MGAT4C: variants seen among roughly 807,000 people sequenced by gnomAD.
MGAT4C encodes the protein MGAT4 family member C.
A neutral mutation model predicts 40.1 loss-of-function variants in MGAT4C; 19 were observed. The ratio of observed to expected loss-of-function variants is 0.47; its 90% CI spans 0.33 to 0.70. The LOEUF is 0.70. Ranked by LOEUF, MGAT4C falls within the 30% of genes least tolerant of loss-of-function variation. The probability of loss-of-function intolerance (pLI) is 0.02; values close to 1 mark genes in which losing one functional copy is unlikely to be tolerated. For missense variants in MGAT4C, 491 were observed against 563.2 expected (o/e 0.87, Z 1.30); for synonymous variants, 181 against 187.1 (o/e 0.97, Z 0.27).
chr12:86,466,990 T>C (rs1330998666), intron 2 of MGAT4C, among the ~76,000 whole-genome samples: 2 of 152,220 alleles, frequency 1.3e-5, no homozygotes, highest in African/African-American at 4.8e-5. Flanking sequence ...GATTATTTTG[T>C]TTTATTCTCA....
chr12:86,599,673 TG>T (rs1961691586), intron 2 of MGAT4C: 1 of 151,842 alleles, frequency 6.6e-6, no homozygotes, highest in South Asian at 2.1e-4. Flanking sequence ...TGAAAAAAAA[TG>T]GAGCAAAAGG....
chr12:86,662,531 T>G (rs546973863), intron 2 of MGAT4C, among the ~76,000 whole-genome samples: 34 of 152,326 alleles, frequency 2.2e-4, no homozygotes, highest in South Asian at 1.9e-3. Flanking sequence ...ACAAATAATT[T>G]TGTAATTACA....
rs4992298 is a variant in MGAT4C, at chr12:86,212,922, G to C, written c.-57+43317C>G. 3.6e-5 allele frequency among the ~76,000 whole-genome samples: 3 copies of C among 84,276 alleles called. 1 individual carries two copies. Among genetic ancestry groups the C allele is most frequent in the Admixed American group, 3.0e-4 (2 of 6,618 alleles). The allele number at this position is 84,276 out of a possible 152,430, so 55.3% of individuals were successfully genotyped here. On this transcript the variant is annotated intron_variant, in intron 1 of 4. Coordinates refer to ENST00000611864, the MANE Select transcript of MGAT4C (RefSeq NM_001351288.2). The stretch of plus-strand genomic sequence containing the variant: ...AAAAAAAAAAAAAAAAAAAAAAAAA[G>C]AACACTCATTAACTGTTAGTGAGAT...
At chr12:86,353,632 T>C in intron 3 of MGAT4C, among the ~76,000 whole-genome samples, 1 of 152,172 alleles carries the variant, frequency 6.6e-6, no homozygotes, top group East Asian at 1.9e-4. Flanking sequence ...GTCATGAAGC[T>C]GCATTTCCAT....
At chr12:86,450,052 T>C (rs888520590) in intron 2 of MGAT4C, among the ~76,000 whole-genome samples, 2 of 152,146 alleles carry the variant, frequency 1.3e-5, no homozygotes, top group African/African-American at 4.8e-5. Flanking sequence ...AAGTATTGTG[T>C]TGCTTTGAAC....
chr12:86,127,182 T>C (rs913007331), intron 1 of MGAT4C, among the ~76,000 whole-genome samples: 4 of 152,166 alleles, frequency 2.6e-5, no homozygotes, highest in Admixed American at 1.3e-4. Flanking sequence ...TATAGCCCAC[T>C]ACATACCTAG....
chr12:86,373,531 A>C (rs1455759178), intron 3 of MGAT4C, among the ~76,000 whole-genome samples: 1 of 152,000 alleles, frequency 6.6e-6, no homozygotes, highest in Non-Finnish European at 1.5e-5. Flanking sequence ...TAAACATTAG[A>C]TAAGTAGATA....
chr12:86,072,974 T>G (rs1400656518), intron 1 of MGAT4C, among the ~76,000 whole-genome samples: 3 of 152,102 alleles, frequency 2.0e-5, no homozygotes, highest in Non-Finnish European at 4.4e-5. Flanking sequence ...TTCTATTCCT[T>G]TATGCAATGC....
At chr12:86,191,112 CA>C (rs1889374787) in intron 1 of MGAT4C, among the ~76,000 whole-genome samples, 2 of 148,360 alleles carry the variant, frequency 1.3e-5, no homozygotes, top group African/African-American at 5.1e-5. Flanking sequence ...CACACACACA[CA>C]CACACACACA....
intron 2 of MGAT4C, among the ~76,000 whole-genome samples, chr12:86,608,178 C>A (rs142598616): frequency 6.6e-6 from 1 of 151,918 alleles, no homozygotes; most frequent in African/African-American, 2.4e-5. Context: ...ATATATAAAC[C>A]TAATTATCAT....
At chr12:86,136,086 G>T (rs1881904810) in intron 1 of MGAT4C, among the ~76,000 whole-genome samples, 1 of 152,094 alleles carries the variant, frequency 6.6e-6, no homozygotes, top group African/African-American at 2.4e-5. Context: ...AATACATAAA[G>T]GGAATTTGAT....
intron 1 of MGAT4C, among the ~76,000 whole-genome samples, chr12:86,050,183 C>G (rs1472619155): frequency 6.6e-6 from 1 of 152,032 alleles, no homozygotes; most frequent in East Asian, 1.9e-4. Flanking sequence ...CACATTTATC[C>G]ATGTTATTGA....
intron 2 of MGAT4C, among the ~76,000 whole-genome samples, chr12:86,440,609 C>T (rs1227508735): frequency 6.6e-6 from 1 of 151,980 alleles, no homozygotes; most frequent in African/African-American, 2.4e-5. Flanking sequence ...TTCAACATAG[C>T]ACTGAAAGTC....
intron 1 of MGAT4C, among the ~76,000 whole-genome samples, chr12:86,146,117 A>G (rs927652529): frequency 2.0e-5 from 3 of 152,182 alleles, no homozygotes; most frequent in African/African-American, 7.2e-5. Context: ...AGCAATATTT[A>G]CATAGCAAAA....
chr12:86,195,886 C>A (rs780455227), intron 1 of MGAT4C, among the ~76,000 whole-genome samples: 1 of 152,090 alleles, frequency 6.6e-6, no homozygotes, highest in Non-Finnish European at 1.5e-5. Context: ...TACCTAGATG[C>A]AAATCTTTTC....
At chr12:86,282,775 C>T (rs199518028) in intron 4 of MGAT4C, among the ~76,000 whole-genome samples, 2 of 151,748 alleles carry the variant, frequency 1.3e-5, no homozygotes, top group East Asian at 1.9e-4. Context: ...GCTTTGTTTT[C>T]GTTTTTAGTG....
intron 1 of MGAT4C, among the ~76,000 whole-genome samples, chr12:86,119,998 T>C (rs934834776): frequency 6.6e-6 from 1 of 151,858 alleles, no homozygotes; most frequent in Admixed American, 6.6e-5. Flanking sequence ...ATTGCTCACA[T>C]TATTCAAATC....
chr12:85,988,676 GTGA>G (rs1025986870), intron 3 of MGAT4C, among the ~76,000 whole-genome samples: 22 of 151,986 alleles, frequency 1.4e-4, no homozygotes, highest in South Asian at 6.2e-4. Flanking sequence ...ATGAAATGAT[GTGA>G]TGATAACAAT....
At chr12:86,542,005 C>T (rs868444648) in intron 2 of MGAT4C, among the ~76,000 whole-genome samples, 62 of 152,246 alleles carry the variant, frequency 4.1e-4, no homozygotes, top group African/African-American at 1.4e-3. Flanking sequence ...AAAAACATGA[C>T]ATTTGAGCCT....
Sources: gnomAD v4.1 joint callset for allele counts (sites outside exome capture counted in the v4.1 genomes callset) on GRCh38, gnomAD v4.1.1 for gene constraint, MANE v1.5 for transcripts, NCBI Gene and HGNC (gene_info 2026-07-23, HGNC 2026-07-21) for gene names.